The following ARHGAP42 variants were observed in gnomAD, a reference collection of about 807,000 sequenced individuals.
ARHGAP42 encodes Rho GTPase activating protein 42.
ARHGAP42 carries 63 observed loss-of-function variants against 125.0 expected under a neutral mutation model. The ratio of observed to expected loss-of-function variants is 0.50; its 90% CI spans 0.41 to 0.62. ARHGAP42 has a LOEUF of 0.62. ARHGAP42 is among the 20% of genes least tolerant of loss of function. The pLI, the probability that ARHGAP42 is intolerant of heterozygous loss-of-function variation, is 0.00. For missense variants in ARHGAP42, 766 were observed against 1,024.2 expected (o/e 0.75, Z 3.44); for synonymous variants, 339 against 351.0 (o/e 0.97, Z 0.38).
In ARHGAP42 at chr11:100,941,816, T is replaced by C; in HGVS notation, c.865T>C (p.Cys289Arg). The change falls in exon 9 of 24, where the codon TGT becomes CGT. Residue 289 changes from cysteine to arginine, a missense_variant. Physicochemically the swap from Cys to Arg is radical, Grantham distance 180. Around this residue, in one of 3 missense-constraint regions of ARHGAP42, gnomAD observed 455 missense variants for 636.5 expected, o/e 0.71. Transcript: ENST00000298815. ...PLGFTWIKHY[C>R]TYDKGSKTFT... is the part of the protein sequence containing the mutation. ...TGGTTTTACATGGATTAAACATTAT[T>C]GTACATATGATAAGGGAAGTAAAAC... 1 of 1,536,102 alleles carries C rather than the reference T, an allele frequency of 6.5e-7. No individual in the cohort carries two copies. Among genetic ancestry groups the C allele is most frequent in the Non-Finnish European group, 8.8e-7 (1 of 1,142,682 alleles).
intron 9 of ARHGAP42, among the ~76,000 whole-genome samples, 153 bp from the exon 10 acceptor site, chr11:100,943,606 A>T (rs1867939308): frequency 6.6e-6 from 1 of 152,172 alleles, no homozygotes; most frequent in East Asian, 1.9e-4. Context: ...CGGACAGCTA[A>T]CATCAGGAAT....
intron 11 of ARHGAP42, among the ~76,000 whole-genome samples, chr11:100,948,946 G>C (rs1234328080): frequency 2.3e-4 from 35 of 152,016 alleles, no homozygotes; most frequent in Admixed American, 2.3e-3. Flanking sequence ...TTTTTAAAAA[G>C]TATAACTTAA....
intron 2 of ARHGAP42, among the ~76,000 whole-genome samples, chr11:100,787,651 C>T (rs1236142841): frequency 2.0e-5 from 3 of 152,096 alleles, no homozygotes; most frequent in Non-Finnish European, 4.4e-5. Flanking sequence ...AAGTATAGCA[C>T]AGATTGGTGC....
At chr11:100,781,778 T>C (rs1863317978) in intron 2 of ARHGAP42, among the ~76,000 whole-genome samples, 1 of 152,242 alleles carries the variant, frequency 6.6e-6, no homozygotes, top group African/African-American at 2.4e-5. Context: ...AAGATGTTGA[T>C]GTTACAACAA....
At chr11:100,778,432 G>C (rs184558715) in intron 2 of ARHGAP42, among the ~76,000 whole-genome samples, 12 of 152,198 alleles carry the variant, frequency 7.9e-5, no homozygotes, top group African/African-American at 2.4e-4. Flanking sequence ...TCAGGAAGTC[G>C]TGTATTAAAG....
intron 2 of ARHGAP42, among the ~76,000 whole-genome samples, chr11:100,788,327 A>G (rs1379453817): frequency 2.0e-5 from 3 of 152,212 alleles, no homozygotes; most frequent in Non-Finnish European, 2.9e-5. Context: ...CAAGGAGGAC[A>G]TTGTGGAGAA....
chr11:100,767,409 C>T (rs949313888), intron 1 of ARHGAP42, among the ~76,000 whole-genome samples: 3 of 152,160 alleles, frequency 2.0e-5, no homozygotes, highest in Admixed American at 1.3e-4. Context: ...TACTCAGTAA[C>T]TTGACAGAGT....
At chr11:100,899,110 A>G (rs1214606358) in intron 4 of ARHGAP42, among the ~76,000 whole-genome samples, 1 of 152,202 alleles carries the variant, frequency 6.6e-6, no homozygotes, top group Non-Finnish European at 1.5e-5. Flanking sequence ...CCCAGTAGTC[A>G]TTCAGGAGCA....
chr11:100,703,117 A>G (rs1398434603), intron 1 of ARHGAP42, among the ~76,000 whole-genome samples: 1 of 152,146 alleles, frequency 6.6e-6, no homozygotes, highest in Non-Finnish European at 1.5e-5. Flanking sequence ...CTATGAATAT[A>G]CTGTTTCGTA....
intron 3 of ARHGAP42, among the ~76,000 whole-genome samples, chr11:100,828,259 T>A (rs1018480702): frequency 6.7e-6 from 1 of 149,332 alleles, no homozygotes; most frequent in African/African-American, 2.5e-5. Context: ...TTCCCCAGTT[T>A]AAAAAAAAAA....
intron 4 of ARHGAP42, among the ~76,000 whole-genome samples, chr11:100,884,784 T>G (rs552650516): frequency 9.7e-4 from 147 of 152,308 alleles, no homozygotes; most frequent in African/African-American, 3.4e-3. Flanking sequence ...TCAGAATATT[T>G]TCACATTCTT....
chr11:100,910,512 A>G (rs1362730587), intron 4 of ARHGAP42, among the ~76,000 whole-genome samples: 8 of 152,132 alleles, frequency 5.3e-5, no homozygotes, highest in African/African-American at 1.9e-4. Context: ...GATCATGAAC[A>G]GCATTTAGGA....
At position 100,872,608 on chromosome 11, in the gene ARHGAP42, G is replaced by A. The variant is rs540366873; in HGVS notation, c.384+12983G>A. Among the ~76,000 whole-genome samples, 341 of 152,222 alleles carry A rather than the reference G, an allele frequency of 2.2e-3. 1 individual carries two copies. Among genetic ancestry groups the A allele is most frequent in the African/African-American group, 7.8e-3 (322 of 41,536 alleles). ...GGGTTTCACCATGTTGGCCAGGCTG[G>A]TCTGGAACTCCTGACGTCAGGTGAT... On this transcript the variant is annotated intron_variant, in intron 4 of 23. Coordinates refer to ENST00000298815, the MANE Select transcript of ARHGAP42 (RefSeq NM_152432.4).
chr11:100,735,602 CTTT>C (rs58522622), intron 1 of ARHGAP42, among the ~76,000 whole-genome samples: 45 of 73,062 alleles, frequency 6.2e-4, no homozygotes, highest in African/African-American at 2.5e-3. Flanking sequence ...TTTACTTGTA[CTTT>C]TTTTTTTTTT....
intron 4 of ARHGAP42, among the ~76,000 whole-genome samples, chr11:100,909,470 G>A (rs972177501): frequency 2.6e-5 from 4 of 150,952 alleles, no homozygotes; most frequent in Admixed American, 6.6e-5. Context: ...TCAGCCTCCC[G>A]AATAGCTGGA....
intron 4 of ARHGAP42, among the ~76,000 whole-genome samples, chr11:100,894,719 T>G (rs1866303124): frequency 6.6e-6 from 1 of 152,182 alleles, no homozygotes; most frequent in Non-Finnish European, 1.5e-5. Context: ...TAGCCTTTCA[T>G]TGCTCTCCTC....
chr11:100,948,046 A>G (rs899944354), intron 10 of ARHGAP42, among the ~76,000 whole-genome samples: 1 of 152,018 alleles, frequency 6.6e-6, no homozygotes, highest in Non-Finnish European at 1.5e-5. Context: ...ACATTGTTCC[A>G]TATTAATTGT....
chr11:100,933,358 T>C lies in ARHGAP42; in HGVS notation c.702+98T>C. 6.7e-6 allele frequency: 5 copies of C among 746,108 alleles called. No individual in the cohort carries two copies. In the South Asian group the frequency reaches 1.2e-4, roughly 18 times the overall value. 46.2% of individuals were successfully genotyped at this position (746,108 alleles called of 1,614,324 possible). Reference sequence around the variant, plus strand: ...TTTTTTTCTAGCTGCTAGTGGAAAATACAACCCACAAAACCCTAATCTTAG... The same window carrying C: ...TTTTTTTCTAGCTGCTAGTGGAAAACACAACCCACAAAACCCTAATCTTAG... On this transcript the variant is annotated intron_variant, in intron 7 of 23. Transcript: ENST00000298815.
At chr11:100,809,978 G>T (rs2135057598) in intron 3 of ARHGAP42, among the ~76,000 whole-genome samples, 1 of 151,716 alleles carries the variant, frequency 6.6e-6, no homozygotes, top group African/African-American at 2.4e-5. Context: ...AAAAATCTAA[G>T]ACTTAAAATG....
Sources: allele counts gnomAD v4.1 joint callset (sites outside exome capture counted in the v4.1 genomes callset), GRCh38; gene constraint gnomAD v4.1.1; regional missense constraint gnomAD v4.1.1; transcripts MANE v1.5; gene names NCBI Gene and HGNC (gene_info 2026-07-23, HGNC 2026-07-21).